Variants in EMCN observed in about 807,000 individuals in gnomAD.
EMCN encodes MUC-14.
A neutral mutation model predicts 38.4 loss-of-function variants in EMCN; 37 were observed. The ratio of observed to expected loss-of-function variants is 0.96; its 90% CI spans 0.74 to 1.27. The LOEUF is 1.27. EMCN is among the 50% of genes most tolerant of loss of function. The pLI, the probability that EMCN is intolerant of heterozygous loss-of-function variation, is 0.00. For missense variants in EMCN, 318 were observed against 302.8 expected (o/e 1.05, Z -0.37); for synonymous variants, 95 against 100.8 (o/e 0.94, Z 0.35).
chr4:100,505,995 G>A (rs1220029823), intron 1 of EMCN, among the ~76,000 whole-genome samples: 1 of 152,128 alleles, frequency 6.6e-6, no homozygotes, highest in Admixed American at 6.5e-5. Context: ...CATCAAAGAT[G>A]AAAAGTTTAT....
At chr4:100,497,388 T>A (rs913419778) in intron 1 of EMCN, among the ~76,000 whole-genome samples, 5 of 152,120 alleles carry the variant, frequency 3.3e-5, no homozygotes, top group African/African-American at 1.2e-4. Flanking sequence ...TGTTTGTTTT[T>A]TTTTTTGAGA....
At chr4:100,437,890 A>G (rs1395066968) in intron 5 of EMCN, among the ~76,000 whole-genome samples, 2 of 151,906 alleles carry the variant, frequency 1.3e-5, no homozygotes, top group Non-Finnish European at 2.9e-5. Flanking sequence ...GGGGTCATTC[A>G]TGTTTTCATA....
intron 4 of EMCN, among the ~76,000 whole-genome samples, chr4:100,459,797 A>G (rs1439350826): frequency 6.6e-6 from 1 of 152,180 alleles, no homozygotes; most frequent in East Asian, 1.9e-4. Flanking sequence ...TATTGTGTAT[A>G]TATACCACAT....
rs566820777 is a variant in EMCN, at chr4:100,489,668, T to C, written c.65-9629A>G. Among the ~76,000 whole-genome samples, 10 of 152,334 alleles carry C rather than the reference T, an allele frequency of 6.6e-5. No homozygotes were observed. The East Asian group carries it at 1.5e-3, about 24-fold the overall frequency. ...TACAGTATATAATATCTGATAATGA[T>C]AATAAATGACTATGTTACTGGTTTA... On this transcript the variant is annotated intron_variant, in intron 1 of 11. Coordinates refer to ENST00000296420, the MANE Select transcript of EMCN (RefSeq NM_016242.4).
chr4:100,445,529 A>T (rs1727645761), intron 5 of EMCN, among the ~76,000 whole-genome samples: 1 of 152,200 alleles, frequency 6.6e-6, no homozygotes, highest in Admixed American at 6.5e-5. Flanking sequence ...ATTTGCTTAT[A>T]TTTATAGAAA....
In EMCN at chr4:100,423,066, C is replaced by G. The variant is rs769880520; in HGVS notation, c.523G>C (p.Gly175Arg). 3.7e-6 allele frequency: 6 copies of G among 1,612,824 alleles called. No homozygotes were observed. The highest frequency in any genetic ancestry group is 5.1e-6 in the Non-Finnish European group (6 of 1,179,330). Residue 175 changes from glycine to arginine, a missense_variant, in exon 7 of 12, where the codon GGT (glycine) becomes CGT (arginine). Gly to Arg is a moderately radical substitution (Grantham distance 125). Coordinates refer to ENST00000296420, the MANE Select transcript of EMCN (RefSeq NM_016242.4). ...TSQSQVIGTE[G>R]GKNASTSATS... Reference sequence around the variant, plus strand: ...GCTGAAGTGCTTGCATTTTTTCCACCCTCAGTGCCTATTACTTTAAGAAAG... The same window carrying G: ...GCTGAAGTGCTTGCATTTTTTCCACGCTCAGTGCCTATTACTTTAAGAAAG...
At chr4:100,443,354 C>A (rs1440488837) in intron 5 of EMCN, among the ~76,000 whole-genome samples, 1 of 152,158 alleles carries the variant, frequency 6.6e-6, no homozygotes, top group Non-Finnish European at 1.5e-5. Flanking sequence ...GCATATGGGT[C>A]TGAGGCTGCC....
At chr4:100,499,759 C>T (rs1184563601) in intron 1 of EMCN, among the ~76,000 whole-genome samples, 1 of 152,136 alleles carries the variant, frequency 6.6e-6, no homozygotes, top group Admixed American at 6.5e-5. Context: ...AGTGGCACAA[C>T]AGATAAATCA....
intron 3 of EMCN, 62 bp from the exon 4 acceptor site, chr4:100,465,601 T>G: frequency 1.7e-5 from 14 of 809,574 alleles, no homozygotes; most frequent in South Asian, 2.4e-5. Context: ...TTATTAATAT[T>G]CATATTAATA....
At chr4:100,509,915 T>TTAG (rs3841993) in intron 1 of EMCN, among the ~76,000 whole-genome samples, 60,510 of 151,800 alleles carry the variant, frequency 0.4, 12,725 homozygotes, top group East Asian at 0.71. Flanking sequence ...AGCTAATGTT[T>TTAG]TAGTAATTTA....
At chr4:100,501,507 T>G (rs899825361) in intron 1 of EMCN, among the ~76,000 whole-genome samples, 1 of 152,162 alleles carries the variant, frequency 6.6e-6, no homozygotes, top group African/African-American at 2.4e-5. Context: ...GGTAGAGTTA[T>G]GTTATCCTTT....
chr4:100,501,982 A>T (rs1422874326), intron 1 of EMCN, among the ~76,000 whole-genome samples: 1 of 152,164 alleles, frequency 6.6e-6, no homozygotes, highest in African/African-American at 2.4e-5. Flanking sequence ...GCAGCACACA[A>T]GGAGTGGGGT....
intron 4 of EMCN, among the ~76,000 whole-genome samples, chr4:100,460,615 T>TA (rs2110258445): frequency 6.6e-6 from 1 of 152,198 alleles, no homozygotes; most frequent in South Asian, 2.1e-4. Flanking sequence ...ACAAGAACGG[T>TA]ATGGAAAAGA....
At chr4:100,417,055 A>G in intron 9 of EMCN, 62 bp downstream of exon 9, 3 of 1,512,602 alleles carry the variant, frequency 2.0e-6, no homozygotes, top group Non-Finnish European at 2.8e-6. Context: ...TAAGTAGAGT[A>G]ACAATAATTT....
chr4:100,505,037 GTC>G (rs1052519569), intron 1 of EMCN, among the ~76,000 whole-genome samples: 25 of 152,300 alleles, frequency 1.6e-4, no homozygotes, highest in South Asian at 4.1e-4. Context: ...GGCATAAGCT[GTC>G]TCTCTCTCTT....
At chr4:100,443,784 C>T (rs113902316) in intron 5 of EMCN, among the ~76,000 whole-genome samples, 1 of 152,156 alleles carries the variant, frequency 6.6e-6, no homozygotes, top group Non-Finnish European at 1.5e-5. Context: ...CCATCTTAGG[C>T]CCAGAGTGCT....
At chr4:100,437,278 T>C (rs554158857) in intron 5 of EMCN, among the ~76,000 whole-genome samples, 1 of 152,198 alleles carries the variant, frequency 6.6e-6, no homozygotes, top group Non-Finnish European at 1.5e-5. Context: ...ATCATGCTAT[T>C]TGTCTTTCTA....
chr4:100,470,378 T>TAA (rs34533710), intron 3 of EMCN, among the ~76,000 whole-genome samples: 2,161 of 145,642 alleles, frequency 0.015, 55 homozygotes, highest in African/African-American at 0.051. Context: ...ACTAAAATGT[T>TAA]AAAAAAAAAA....
chr4:100,447,537 T>A lies in EMCN; in HGVS notation c.411A>T (p.Ile137=), dbSNP rs1391699564. The change falls in exon 5 of 12, where the codon ATA becomes ATT. Residue 137 remains isoleucine (I), a synonymous_variant. Coordinates refer to ENST00000296420, the MANE Select transcript of EMCN (RefSeq NM_016242.4). ...GACAGAGAAAAAAGAGCTTACCTGGTATTTCTGTTGTTTTAATTGAACTCT... is the reference window on the plus strand; with the variant it reads ...GACAGAGAAAAAAGAGCTTACCTGGAATTTCTGTTGTTTTAATTGAACTCT... ...ETQSSIKTTE[I]PGSVLQPDAS... 9 of 1,603,072 alleles carry A rather than the reference T, an allele frequency of 5.6e-6. No individual in the cohort carries two copies. Among genetic ancestry groups the A allele is most frequent in the Non-Finnish European group, 6.0e-6 (7 of 1,171,206 alleles).
Sources: allele counts gnomAD v4.1 joint callset (sites outside exome capture counted in the v4.1 genomes callset), GRCh38; gene constraint gnomAD v4.1.1; transcripts MANE v1.5; gene names NCBI Gene and HGNC (gene_info 2026-07-23, HGNC 2026-07-21).